Variants in PRICKLE1 observed in about 807,000 individuals in gnomAD.
The protein encoded by PRICKLE1 is prickle-like protein 1.
A neutral mutation model predicts 70.2 loss-of-function variants in PRICKLE1; 14 were observed. The ratio of observed to expected loss-of-function variants is 0.20; its 90% CI spans 0.13 to 0.31. PRICKLE1 has a LOEUF of 0.31. PRICKLE1 is among the 10% of genes least tolerant of loss of function. PRICKLE1 has a pLI of 1.00. For missense variants in PRICKLE1, 821 were observed against 1,026.2 expected (o/e 0.80, Z 2.73); for synonymous variants, 357 against 379.9 (o/e 0.94, Z 0.70).
intron 1 of PRICKLE1, among the ~76,000 whole-genome samples, chr12:42,495,206 A>AAAAAC (rs71435910): frequency 0.2 from 30,320 of 149,156 alleles, 3,275 homozygotes; most frequent in Admixed American, 0.28. Flanking sequence ...CCATCTCTAC[A>AAAAAC]AAAACAAAAC....
intron 1 of PRICKLE1, among the ~76,000 whole-genome samples, chr12:42,555,591 T>A (rs1940401511): frequency 6.6e-6 from 1 of 152,234 alleles, no homozygotes; most frequent in Non-Finnish European, 1.5e-5. Flanking sequence ...ATTATTTCAA[T>A]GTTTTGTTGA....
At chr12:42,473,264 T>A (rs1051377664) in intron 1 of PRICKLE1, among the ~76,000 whole-genome samples, 1 of 152,202 alleles carries the variant, frequency 6.6e-6, no homozygotes, top group Admixed American at 6.5e-5. Context: ...TACAGTACTA[T>A]GTGAAAATAA....
chr12:42,496,966 AC>A (rs1378925321), intron 1 of PRICKLE1, among the ~76,000 whole-genome samples: 3 of 151,998 alleles, frequency 2.0e-5, no homozygotes, highest in African/African-American at 7.3e-5. Flanking sequence ...ACCTTCAAGA[AC>A]TATTCCTTTG....
rs1937631540 is a variant in PRICKLE1, at chr12:42,457,479, T to A, written c.*2330A>T. On this transcript the variant is annotated 3_prime_UTR_variant, in exon 8 of 8. Coordinates refer to ENST00000345127, the MANE Select transcript of PRICKLE1 (RefSeq NM_153026.3). ...GAAATCTGCTAATACATTGAGAGGT[T>A]GTGATGGAACAAACACTCTCATTTA... 1 of 151,166 alleles carries A rather than the reference T, an allele frequency of 6.6e-6. No individual in the cohort carries two copies. The highest frequency in any genetic ancestry group is 2.5e-5 in the African/African-American group (1 of 40,406). The allele number at this position is 151,166 out of a possible 1,614,324, so 9.4% of individuals were successfully genotyped here.
intron 1 of PRICKLE1, among the ~76,000 whole-genome samples, chr12:42,528,887 T>C (rs980810665): frequency 5.9e-5 from 9 of 152,216 alleles, no homozygotes; most frequent in African/African-American, 2.2e-4. Context: ...AGCTTCTCTA[T>C]CATACTAGTT....
chr12:42,572,385 G>A (rs11181564), intron 1 of PRICKLE1, among the ~76,000 whole-genome samples: 38,008 of 151,386 alleles, frequency 0.25, 5,192 homozygotes, highest in East Asian at 0.42. Flanking sequence ...GCAGTGAGCC[G>A]AGATTGTGCC....
chr12:42,576,324 T>C (rs1367840920), intron 1 of PRICKLE1, among the ~76,000 whole-genome samples: 2 of 152,206 alleles, frequency 1.3e-5, no homozygotes. Flanking sequence ...TGTAGATCCA[T>C]TTAAGGAGAG....
intron 1 of PRICKLE1, among the ~76,000 whole-genome samples, chr12:42,543,316 T>C (rs1940148971): frequency 6.6e-6 from 1 of 151,840 alleles, no homozygotes; most frequent in Non-Finnish European, 1.5e-5. Context: ...TTGAACAATG[T>C]AGGTGTTAGG....
At chr12:42,567,039 C>A (rs530890131) in intron 1 of PRICKLE1, among the ~76,000 whole-genome samples, 28 of 152,296 alleles carry the variant, frequency 1.8e-4, no homozygotes, top group South Asian at 1.0e-3. Context: ...TGGAACTAAA[C>A]TGGGCTCATG....
intron 1 of PRICKLE1, among the ~76,000 whole-genome samples, chr12:42,540,822 A>G (rs1228083296): frequency 3.3e-5 from 5 of 152,086 alleles, no homozygotes. Flanking sequence ...CAGCCTCCCA[A>G]AGTGCTGGGA....
chr12:42,484,741 TGAGA>T (rs1938940451), intron 1 of PRICKLE1, among the ~76,000 whole-genome samples: 1 of 152,176 alleles, frequency 6.6e-6, no homozygotes, highest in African/African-American at 2.4e-5. Context: ...GTAGGTACAC[TGAGA>T]GAAAGTGGAG....
At chr12:42,584,267 T>C (rs1182765882) in intron 1 of PRICKLE1, 2 of 152,150 alleles carry the variant, frequency 1.3e-5, no homozygotes, top group Non-Finnish European at 2.9e-5. Flanking sequence ...AAAAAAAGTG[T>C]ACCAAATGAT....
intron 7 of PRICKLE1, among the ~76,000 whole-genome samples, chr12:42,461,884 C>T (rs754899988): frequency 1.3e-5 from 2 of 152,038 alleles, no homozygotes; most frequent in Non-Finnish European, 2.9e-5. Context: ...CTGCAAGCTC[C>T]GCCTCCTGGG....
intron 1 of PRICKLE1, chr12:42,584,379 T>C (rs143420281): frequency 2.8e-4 from 42 of 152,332 alleles, no homozygotes; most frequent in African/African-American, 9.9e-4. Flanking sequence ...AAGATAACCT[T>C]TTCCCCTTTA....
chr12:42,459,534 G>T lies in PRICKLE1; in HGVS notation c.*275C>A. ...TCAGCATCTTCAGTATTCCCTTGAG[G>T]ACTGGAAAACCAAAGCAGCTACGTC... On this transcript the variant is annotated 3_prime_UTR_variant, in exon 8 of 8. Transcript: ENST00000345127. 3.2e-6 allele frequency: 2 copies of T among 619,690 alleles called. No individual in the cohort carries two copies. Among genetic ancestry groups the T allele is most frequent in the East Asian group, 5.4e-5 (2 of 36,742 alleles). The allele number at this position is 619,690 out of a possible 1,614,324, so 38.4% of individuals were successfully genotyped here. A position where few individuals can be genotyped will look rare whatever the true frequency, so the allele number is the denominator to read the frequency against.
intron 1 of PRICKLE1, among the ~76,000 whole-genome samples, chr12:42,528,065 C>T (rs1396128970): frequency 2.0e-5 from 3 of 151,076 alleles, no homozygotes. Flanking sequence ...AGCTAACCTT[C>T]TTTATCTTCT....
At chr12:42,496,872 A>G (rs1939210842) in intron 1 of PRICKLE1, among the ~76,000 whole-genome samples, 2 of 151,936 alleles carry the variant, frequency 1.3e-5, no homozygotes, top group African/African-American at 4.8e-5. Context: ...TTGATCTTCT[A>G]TTCAGACCAT....
At position 42,589,712 on chromosome 12, in the gene PRICKLE1, A is replaced by C. The variant is rs989968450; in HGVS notation, c.-296T>G. 5 of 150,140 alleles carry C rather than the reference A, an allele frequency of 3.3e-5. No individual in the cohort carries two copies. The highest frequency in any genetic ancestry group is 9.7e-5 in the African/African-American group (4 of 41,084). The allele number at this position is 150,140 out of a possible 1,614,324, so 9.3% of individuals were successfully genotyped here. On this transcript the variant is annotated 5_prime_UTR_variant, in exon 1 of 8. Coordinates refer to ENST00000345127, the MANE Select transcript of PRICKLE1 (RefSeq NM_153026.3). The surrounding 1 kb of genome is among the most constrained non-coding windows in gnomAD (Gnocchi z 5.0). ...GCTGTCGGGCGGCGGCGGCCGCGGG[A>C]GACGGCGCTGGCAGCTGGGCTGCAG...
At chr12:42,586,971 A>T (rs1940996331) in intron 1 of PRICKLE1, among the ~76,000 whole-genome samples, 1 of 152,182 alleles carries the variant, frequency 6.6e-6, no homozygotes, top group Non-Finnish European at 1.5e-5. Flanking sequence ...TCAGCTATTA[A>T]CCCTATAGGA....
Sources: gnomAD v4.1 joint callset for allele counts (sites outside exome capture counted in the v4.1 genomes callset) on GRCh38, gnomAD v4.1.1 for gene constraint, Gnocchi (gnomAD v3.1) non-coding constraint, MANE v1.5 for transcripts, NCBI Gene and HGNC (gene_info 2026-07-23, HGNC 2026-07-21) for gene names.